Variants in ATCAY observed in about 807,000 individuals in gnomAD.
ATCAY encodes ATCAY kinesin light chain interacting caytaxin, also known as caytaxin.
Under a neutral mutation model 47.7 loss-of-function variants are expected in ATCAY, and 22 were observed. The observed-to-expected ratio is 0.46, with a 90% CI of 0.33 to 0.66. ATCAY has a LOEUF of 0.66. ATCAY is among the 30% of genes least tolerant of loss of function. The probability of loss-of-function intolerance (pLI) is 0.02; values close to 1 mark genes in which losing one functional copy is unlikely to be tolerated. For synonymous variants in ATCAY, 216 were observed against 207.6 expected (o/e 1.04, Z -0.35); for missense variants, 452 against 515.0 (o/e 0.88, Z 1.18).
At chr19:3,916,745 T>C (rs974637829) in intron 9 of ATCAY, among the ~76,000 whole-genome samples, 4 of 152,050 alleles carry the variant, frequency 2.6e-5, no homozygotes, top group African/African-American at 7.2e-5. Context: ...CCCAAAGTGC[T>C]GGGATTACAG....
chr19:3,881,868 C>CG lies in ATCAY; in HGVS notation c.-42+860_-42+861insG, dbSNP rs531162395. Among the ~76,000 whole-genome samples the CG allele has an allele frequency of 1.4e-4, 19 of 138,618 alleles. 1 individual carries two copies. The highest frequency in any genetic ancestry group is 3.1e-4 in the African/African-American group (11 of 35,032). 90.9% of individuals were successfully genotyped at this position (138,618 alleles called of 152,430 possible). On this transcript the variant is annotated intron_variant, in intron 1 of 12. Coordinates refer to ENST00000450849, the MANE Select transcript of ATCAY (RefSeq NM_033064.5). ...GGGCCTGGCTGGCTGCTGCCACCGCCCCCCCCCCGACCCCATAGCATCCAG... is the reference window on the plus strand; with the variant it reads ...GGGCCTGGCTGGCTGCTGCCACCGCCGCCCCCCCCGACCCCATAGCATCCAG...
intron 10 of ATCAY, 55 bp from the exon 11 acceptor site, chr19:3,918,751 C>A: frequency 6.3e-7 from 1 of 1,590,322 alleles, no homozygotes; most frequent in Non-Finnish European, 8.6e-7. Flanking sequence ...TGAGAGCCCA[C>A]CCCTTGGCCT....
intron 1 of ATCAY, among the ~76,000 whole-genome samples, chr19:3,884,438 A>T (rs2038629195): frequency 6.6e-6 from 1 of 152,256 alleles, no homozygotes; most frequent in East Asian, 1.9e-4. Context: ...GAGGCAGGAC[A>T]GGTGGCCTGG....
Position 3,907,026 on chromosome 19 carries a change from C to T in ATCAY, c.359-708C>T, listed in dbSNP as rs537410661. 2.5e-4 allele frequency among the ~76,000 whole-genome samples: 38 copies of T among 150,696 alleles called. No homozygotes were observed. Among genetic ancestry groups the T allele is most frequent in the Middle Eastern group, 3.4e-3 (1 of 294 alleles). Reference sequence around the variant, plus strand: ...GGTGGCGTGCGTAGTCCCAGCTACTCGGGAGGCTGAGGCAGGAGAATCGCT... The same window carrying T: ...GGTGGCGTGCGTAGTCCCAGCTACTTGGGAGGCTGAGGCAGGAGAATCGCT... On this transcript the variant is annotated intron_variant, in intron 4 of 12. Coordinates refer to ENST00000450849, the MANE Select transcript of ATCAY (RefSeq NM_033064.5). This position sits in a 1 kb window ranked among gnomAD's most constrained non-coding sequence, Gnocchi z 5.1.
chr19:3,881,384 G>GGA (rs754460212), intron 1 of ATCAY, among the ~76,000 whole-genome samples: 5 of 130,342 alleles, frequency 3.8e-5, no homozygotes, highest in African/African-American at 1.2e-4. Context: ...ACGATTTCGG[G>GGA]AAAAAAAAAA....
chr19:3,888,383 A>G (rs2038682410), intron 2 of ATCAY, among the ~76,000 whole-genome samples: 1 of 152,124 alleles, frequency 6.6e-6, no homozygotes. Context: ...CAGTCCCAAC[A>G]GTTTGGGAGG....
In ATCAY at chr19:3,924,865, G is replaced by A. The variant is rs946461588; in HGVS notation, c.*273G>A. On this transcript the variant is annotated 3_prime_UTR_variant, in exon 13 of 13. Transcript: ENST00000450849. ...CTTCCACACTCACGAACTCTCAGCCGAGGAAGGCAAGAAGCGCAGGGGGTG... is the reference window on the plus strand; with the variant it reads ...CTTCCACACTCACGAACTCTCAGCCAAGGAAGGCAAGAAGCGCAGGGGGTG... 4.4e-6 allele frequency: 2 copies of A among 454,966 alleles called. No homozygotes were observed. The highest frequency in any genetic ancestry group is 3.7e-5 in the Admixed American group (1 of 27,388). The allele number at this position is 454,966 out of a possible 1,614,324, so 28.2% of individuals were successfully genotyped here. A position where few individuals can be genotyped will look rare whatever the true frequency, so the allele number is the denominator to read the frequency against.
intron 10 of ATCAY, among the ~76,000 whole-genome samples, chr19:3,918,124 G>T (rs555800558): frequency 1.5e-3 from 230 of 152,100 alleles, no homozygotes; most frequent in African/African-American, 5.4e-3. Context: ...ACTTTGAGAG[G>T]CTGTAATCCC....
At chr19:3,896,767 G>A (rs1440080943) in intron 2 of ATCAY, among the ~76,000 whole-genome samples, 1 of 151,856 alleles carries the variant, frequency 6.6e-6, no homozygotes, top group African/African-American at 2.4e-5. Context: ...ACCCTGGCTG[G>A]GCAAGTGGTT....
chr19:3,912,997 A>G (rs1023851138), intron 8 of ATCAY, among the ~76,000 whole-genome samples: 41 of 151,846 alleles, frequency 2.7e-4, no homozygotes, highest in African/African-American at 9.7e-4. Flanking sequence ...CCTGAAAAAC[A>G]GAGAATTGGG....
At position 3,907,599 on chromosome 19, in the gene ATCAY, A is replaced by G. The variant is rs2038873092; in HGVS notation, c.359-135A>G. ...GGAGAGGAAAATGGGTCAGCAGGGC[A>G]GCCAGGTGGGGAGAAGCGAAGGACT... On this transcript the variant is annotated intron_variant, in intron 4 of 12. Transcript: ENST00000450849. The surrounding 1 kb of genome is among the most constrained non-coding windows in gnomAD (Gnocchi z 5.1). 1 of 1,064,142 alleles carries G rather than the reference A, an allele frequency of 9.4e-7. No homozygotes were observed. The highest frequency in any genetic ancestry group is 1.4e-6 in the Non-Finnish European group (1 of 736,334). The allele number at this position is 1,064,142 out of a possible 1,614,324, so 65.9% of individuals were successfully genotyped here. A position where few individuals can be genotyped will look rare whatever the true frequency, so the allele number is the denominator to read the frequency against.
chr19:3,919,500 G>A (rs57477946), intron 11 of ATCAY, among the ~76,000 whole-genome samples: 41,884 of 151,834 alleles, frequency 0.28, 5,920 homozygotes, highest in East Asian at 0.42. Context: ...GCTGAGGCAG[G>A]AGAATCACTT....
chr19:3,890,620 A>G (rs995331375), intron 2 of ATCAY, among the ~76,000 whole-genome samples: 1 of 152,142 alleles, frequency 6.6e-6, no homozygotes, highest in African/African-American at 2.4e-5. Flanking sequence ...ACAAAAACCA[A>G]GGCCGAGCGC....
chr19:3,894,932 G>C (rs1215688746), intron 2 of ATCAY, among the ~76,000 whole-genome samples: 2 of 116,476 alleles, frequency 1.7e-5, no homozygotes, highest in African/African-American at 6.6e-5. Flanking sequence ...CTGGGCAACA[G>C]AGCAAGACCC....
intron 9 of ATCAY, among the ~76,000 whole-genome samples, chr19:3,917,399 A>G (rs1237486480): frequency 2.0e-5 from 3 of 151,898 alleles, no homozygotes; most frequent in East Asian, 2.0e-4. Context: ...CCAGGCCAAC[A>G]TAGGGAAACC....
chr19:3,883,931 C>T (rs2038624116), intron 1 of ATCAY, among the ~76,000 whole-genome samples: 2 of 152,034 alleles, frequency 1.3e-5, no homozygotes, highest in African/African-American at 4.8e-5. Context: ...CTGATCCTGG[C>T]CCCCACCCAG....
intron 8 of ATCAY, 74 bp downstream of exon 8, chr19:3,910,963 G>T (rs7245601): frequency 5.4e-6 from 8 of 1,481,066 alleles, no homozygotes; most frequent in Non-Finnish European, 6.6e-6. Flanking sequence ...GCATGCATTT[G>T]TGTGTGCATG....
At chr19:3,904,559 G>T (rs1203144495) in intron 3 of ATCAY, among the ~76,000 whole-genome samples, 2 of 152,074 alleles carry the variant, frequency 1.3e-5, no homozygotes, top group African/African-American at 4.8e-5. Context: ...CAGTCTCTGT[G>T]ATCACACGAG....
At chr19:3,910,619 CTT>C (rs2038914882) in intron 7 of ATCAY, among the ~76,000 whole-genome samples, 182 bp from the exon 8 acceptor site, 1 of 152,158 alleles carries the variant, frequency 6.6e-6, no homozygotes, top group Non-Finnish European at 1.5e-5. Flanking sequence ...AAGGGTGTGT[CTT>C]TATCCCACCA....
Sources: allele counts gnomAD v4.1 joint callset (sites outside exome capture counted in the v4.1 genomes callset), GRCh38; gene constraint gnomAD v4.1.1; non-coding constraint Gnocchi (gnomAD v3.1); transcripts MANE v1.5; gene names NCBI Gene and HGNC (gene_info 2026-07-23, HGNC 2026-07-21).